The following SRSF12 variants were observed in gnomAD, a reference collection of about 807,000 sequenced individuals.
SRSF12 encodes the protein serine/arginine-rich splicing factor 12.
A neutral mutation model predicts 34.1 loss-of-function variants in SRSF12; 21 were observed. That is an observed-to-expected ratio of 0.62 (90% CI 0.44 to 0.89). The LOEUF (loss-of-function observed/expected upper bound fraction) is 0.89. SRSF12 is among the 40% of genes least tolerant of loss of function. SRSF12 has a pLI of 0.00. For missense variants in SRSF12, 278 were observed against 327.8 expected (o/e 0.85, Z 1.17); for synonymous variants, 111 against 110.8 (o/e 1.00, Z -0.01).
chr6:89,103,198 A>G (rs1448390745), intron 4 of SRSF12, among the ~76,000 whole-genome samples: 2 of 152,228 alleles, frequency 1.3e-5, no homozygotes, highest in South Asian at 2.1e-4. Context: ...ATGATTTGAG[A>G]CAGTCAAGTA....
At chr6:89,116,470 C>T (rs1233234960) in intron 1 of SRSF12, among the ~76,000 whole-genome samples, 1 of 152,046 alleles carries the variant, frequency 6.6e-6, no homozygotes, top group Admixed American at 6.6e-5. Context: ...CATGTACTTG[C>T]GGTGATCAAA....
intron 2 of SRSF12, 50 bp from the exon 3 acceptor site, chr6:89,105,580 T>C: frequency 7.6e-7 from 1 of 1,322,722 alleles, no homozygotes; most frequent in Non-Finnish European, 1.0e-6. Flanking sequence ...AGTAAACATA[T>C]TTTAAAAGCA....
Position 89,096,981 on chromosome 6 carries a change from TA to T in SRSF12, c.*1596del, listed in dbSNP as rs1214815039. ...AATTCAAAGAGTTGTAGTTTTGAAA[TA>T]AATTTTGCTATGATTAGAGAAAATC... On this transcript the variant is annotated 3_prime_UTR_variant, in exon 5 of 5. Coordinates refer to ENST00000452027, the MANE Select transcript of SRSF12 (RefSeq NM_080743.5). 6.6e-6 allele frequency: 1 copy of T among 152,232 alleles called. No individual in the cohort carries two copies. Among genetic ancestry groups the T allele is most frequent in the Non-Finnish European group, 1.5e-5 (1 of 68,034 alleles). The allele number at this position is 152,232 out of a possible 1,614,324, so 9.4% of individuals were successfully genotyped here.
Position 89,098,071 on chromosome 6 carries a change from G to C in SRSF12, c.*507C>G, listed in dbSNP as rs1386428075. 1 of 152,648 alleles carries C rather than the reference G, an allele frequency of 6.6e-6. No individual in the cohort carries two copies. The highest frequency in any genetic ancestry group is 1.9e-4 in the East Asian group (1 of 5,202). The allele number at this position is 152,648 out of a possible 1,614,324, so 9.5% of individuals were successfully genotyped here. ...GATCTCTATATATATTCTACTTTTT[G>C]GAACATCAGAATTTTGTAATATGAA... On this transcript the variant is annotated 3_prime_UTR_variant, in exon 5 of 5. Coordinates refer to ENST00000452027, the MANE Select transcript of SRSF12 (RefSeq NM_080743.5).
intron 1 of SRSF12, among the ~76,000 whole-genome samples, chr6:89,116,444 A>G (rs61319841): frequency 0.063 from 9,558 of 152,264 alleles, 868 homozygotes; most frequent in African/African-American, 0.2. Flanking sequence ...ATTAACCACA[A>G]CATATAGTTG....
intron 4 of SRSF12, among the ~76,000 whole-genome samples, chr6:89,101,564 A>G (rs1027631654): frequency 6.6e-6 from 1 of 152,128 alleles, no homozygotes; most frequent in African/African-American, 2.4e-5. Context: ...TCTACTAAAA[A>G]TACAAAAATT....
intron 4 of SRSF12, among the ~76,000 whole-genome samples, chr6:89,104,291 C>T (rs941134090): frequency 2.1e-5 from 3 of 145,740 alleles, no homozygotes; most frequent in Admixed American, 7.0e-5. Flanking sequence ...GGCTGGAGTG[C>T]AATGGCGTGA....
At position 89,105,490 on chromosome 6, in the gene SRSF12, G is replaced by T; in HGVS notation, c.211C>A (p.Leu71Ile). The change falls in exon 3 of 5, where the codon CTC (leucine) becomes ATC (isoleucine). Residue 71 changes from leucine (L) to isoleucine (I), a missense_variant. Coordinates refer to ENST00000452027, the MANE Select transcript of SRSF12 (RefSeq NM_080743.5). ...VRDAEDALYN[L>I]NRKWVCGRQI... is the part of the protein sequence containing the mutation. ...CGGCCACATACCCACTTTCTATTGAGGTTATAAAGAGCATCTTCAGCATCT... is the reference window on the plus strand; with the variant it reads ...CGGCCACATACCCACTTTCTATTGATGTTATAAAGAGCATCTTCAGCATCT... 1 of 1,609,838 alleles carries T rather than the reference G, an allele frequency of 6.2e-7. No individual in the cohort carries two copies. The highest frequency in any genetic ancestry group is 1.1e-5 in the South Asian group (1 of 89,984).
chr6:89,103,871 A>C (rs1298504131), intron 4 of SRSF12, among the ~76,000 whole-genome samples: 1 of 152,234 alleles, frequency 6.6e-6, no homozygotes, highest in Non-Finnish European at 1.5e-5. Context: ...ATTACTATTT[A>C]ATATGTCTTC....
At chr6:89,117,421 G>T (rs1769357682) in intron 1 of SRSF12, among the ~76,000 whole-genome samples, 1 of 152,184 alleles carries the variant, frequency 6.6e-6, no homozygotes, top group Non-Finnish European at 1.5e-5. Flanking sequence ...GGATGCGCGC[G>T]ATTTTATCGG....
rs1458578992 is a variant in SRSF12, at chr6:89,117,998, A to AC, written c.-112dup. On this transcript the variant is annotated 5_prime_UTR_variant, in exon 1 of 5. Coordinates refer to ENST00000452027, the MANE Select transcript of SRSF12 (RefSeq NM_080743.5). ...TCCGCCGGCCCCCGGCGCGACCCCC[A>AC]CCCCTCGGCCTCAGCCCCGCCAGCG... The AC allele has an allele frequency of 1.1e-5, 13 of 1,191,266 alleles. No homozygotes were observed. Among genetic ancestry groups the AC allele is most frequent in the Middle Eastern group, 5.2e-4 (2 of 3,860 alleles). 73.8% of individuals were successfully genotyped at this position (1,191,266 alleles called of 1,614,324 possible). A position where few individuals can be genotyped will look rare whatever the true frequency, so the allele number is the denominator to read the frequency against.
intron 4 of SRSF12, among the ~76,000 whole-genome samples, chr6:89,100,512 CAT>C (rs536144449): frequency 6.9e-4 from 68 of 98,454 alleles, no homozygotes; most frequent in African/African-American, 1.7e-3. Context: ...TCCATGTCCA[CAT>C]GTTATGTTAA....
At position 89,117,939 on chromosome 6, in the gene SRSF12, C is replaced by T. The variant is rs371559433; in HGVS notation, c.-52G>A. The T allele has an allele frequency of 1.1e-4, 170 of 1,521,024 alleles. No homozygotes were observed. The African/African-American group carries it at 2.1e-3, about 19-fold the overall frequency. The allele number at this position is 1,521,024 out of a possible 1,614,324, so 94.2% of individuals were successfully genotyped here. ...CTGCCCGCGGCCGCTGGACTCGCTC[C>T]GTCTCCCGCTACCGCTGCTACCACC... On this transcript the variant is annotated 5_prime_UTR_variant, in exon 1 of 5. Coordinates refer to ENST00000452027, the MANE Select transcript of SRSF12 (RefSeq NM_080743.5).
chr6:89,101,797 G>T (rs1768551639), intron 4 of SRSF12, among the ~76,000 whole-genome samples: 2 of 151,894 alleles, frequency 1.3e-5, no homozygotes, highest in South Asian at 4.2e-4. Context: ...ACTCACTATG[G>T]GTATCAGAAA....
chr6:89,107,576 C>G (rs1562202010), intron 1 of SRSF12, among the ~76,000 whole-genome samples: 1 of 151,890 alleles, frequency 6.6e-6, no homozygotes, highest in East Asian at 1.9e-4. Flanking sequence ...CAAAAAAATA[C>G]AAAAATCAGC....
chr6:89,103,053 T>A (rs1014697593), intron 4 of SRSF12, among the ~76,000 whole-genome samples: 1 of 152,106 alleles, frequency 6.6e-6, no homozygotes, highest in African/African-American at 2.4e-5. Context: ...TGTGAGCCAC[T>A]GCACCTGGCC....
rs767399875 is a variant in SRSF12, at chr6:89,107,257, G to C, written c.67C>G (p.Pro23Ala). Reference sequence around the variant, plus strand: ...CCAAACTCACGGCGCAAGTCCTCAGGCCTGAAGTGTTTTAGAAATAAGGCA... The same window carrying C: ...CCAAACTCACGGCGCAAGTCCTCAGCCCTGAAGTGTTTTAGAAATAAGGCA... ...FIRNVADATR[P>A]EDLRREFGRY... The change falls in exon 2 of 5, where the codon CCT becomes GCT. Residue 23 changes from proline (P) to alanine (A), a missense_variant and splice_region_variant. Transcript: ENST00000452027. The C allele has an allele frequency of 6.2e-7, 1 of 1,610,956 alleles. No homozygotes were observed.
chr6:89,096,174 T>C lies in SRSF12; in HGVS notation c.*2404A>G, dbSNP rs1768281787. On this transcript the variant is annotated 3_prime_UTR_variant, in exon 5 of 5. Coordinates refer to ENST00000452027, the MANE Select transcript of SRSF12 (RefSeq NM_080743.5). ...CTAATTCTATTCTCTCATTTCTTTC[T>C]AAACATGATTTTAATAAAGCATATA... The C allele has an allele frequency of 6.6e-6, 1 of 152,196 alleles. No individual in the cohort carries two copies. The highest frequency in any genetic ancestry group is 2.4e-5 in the African/African-American group (1 of 41,448). 9.4% of individuals were successfully genotyped at this position (152,196 alleles called of 1,614,324 possible). A position where few individuals can be genotyped will look rare whatever the true frequency, so the allele number is the denominator to read the frequency against.
intron 4 of SRSF12, among the ~76,000 whole-genome samples, chr6:89,099,462 ATGTGTGTG>A: frequency 6.9e-6 from 1 of 145,328 alleles, no homozygotes; most frequent in African/African-American, 2.6e-5. Flanking sequence ...GTGTGTATAT[ATGTGTGTG>A]TATATATATA....
Sources: gnomAD v4.1 joint callset for allele counts (sites outside exome capture counted in the v4.1 genomes callset) on GRCh38, gnomAD v4.1.1 for gene constraint, MANE v1.5 for transcripts, NCBI Gene and HGNC (gene_info 2026-07-23, HGNC 2026-07-21) for gene names.